RERE: variants seen among roughly 807,000 people sequenced by gnomAD.
RERE encodes arginine-glutamic acid dipeptide repeats protein.
In RERE, 40 loss-of-function variants were observed where a neutral mutation model predicts 146.1. The observed-to-expected ratio is 0.27, with a 90% CI of 0.21 to 0.36. RERE has a LOEUF of 0.36. RERE is among the 10% of genes least tolerant of loss of function. The probability of loss-of-function intolerance (pLI) is 1.00; values close to 1 mark genes in which losing one functional copy is unlikely to be tolerated. For missense variants in RERE, 1,933 were observed against 2,138.7 expected, an observed-to-expected ratio of 0.90 and a Z score of 1.90; for synonymous variants, 1,003 against 866.0, an observed-to-expected ratio of 1.16 and a Z score of -2.78.
At chr1:8,464,260 T>C (rs1644566161) in intron 11 of RERE, among the ~76,000 whole-genome samples, 1 of 152,186 alleles carries the variant, frequency 6.6e-6, no homozygotes, top group South Asian at 2.1e-4. Flanking sequence ...GCCATTTCAG[T>C]GCATCTCAGC....
chr1:8,747,597 T>C (rs536127261), intron 1 of RERE, among the ~76,000 whole-genome samples: 2 of 152,282 alleles, frequency 1.3e-5, no homozygotes, highest in East Asian at 3.9e-4. Flanking sequence ...AATATTACCT[T>C]ATCTAGTTAC....
intron 12 of RERE, among the ~76,000 whole-genome samples, chr1:8,405,195 G>A (rs1364870191): frequency 6.6e-6 from 1 of 152,184 alleles, no homozygotes; most frequent in Non-Finnish European, 1.5e-5. Context: ...AATCTCTCAG[G>A]AGGATGCAAG....
At chr1:8,620,518 C>T (rs1436025726) in intron 3 of RERE, among the ~76,000 whole-genome samples, 1 of 152,110 alleles carries the variant, frequency 6.6e-6, no homozygotes, top group Admixed American at 6.5e-5. Context: ...CACCTTTCCC[C>T]TCTACTAACT....
At chr1:8,470,364 C>T (rs535360401) in intron 10 of RERE, among the ~76,000 whole-genome samples, 5 of 152,122 alleles carry the variant, frequency 3.3e-5, no homozygotes, top group South Asian at 2.1e-4. Context: ...CCAGTTCAAG[C>T]GATTCTCCTG....
intron 1 of RERE, chr1:8,792,589 C>T (rs542516846): frequency 1.3e-5 from 2 of 152,308 alleles, no homozygotes; most frequent in South Asian, 2.1e-4. Context: ...CAATCACCTC[C>T]TAAAAGAAGA....
chr1:8,601,626 C>CACACA (rs1646627138), intron 4 of RERE, among the ~76,000 whole-genome samples: 2 of 94,914 alleles, frequency 2.1e-5, no homozygotes, highest in African/African-American at 4.4e-5. Context: ...TCCAAGGTCA[C>CACACA]CACACACACA....
At chr1:8,699,557 G>A (rs970417083) in intron 1 of RERE, among the ~76,000 whole-genome samples, 1 of 152,152 alleles carries the variant, frequency 6.6e-6, no homozygotes, top group African/African-American at 2.4e-5. Context: ...TGTGGAATTG[G>A]ATAACAACCT....
chr1:8,521,890 C>T (rs1645506293), intron 7 of RERE, among the ~76,000 whole-genome samples: 2 of 152,202 alleles, frequency 1.3e-5, no homozygotes, highest in South Asian at 4.1e-4. Flanking sequence ...GACTTGGCCC[C>T]TGCCCCAAAA....
chr1:8,363,112 C>A (rs748077677), intron 15 of RERE, among the ~76,000 whole-genome samples: 15 of 152,376 alleles, frequency 9.8e-5, no homozygotes, highest in Non-Finnish European at 1.8e-4. Context: ...CTGTCCTGAA[C>A]AACGTGTGCT....
intron 3 of RERE, among the ~76,000 whole-genome samples, chr1:8,618,372 G>A (rs574928531): frequency 1.1e-3 from 165 of 152,308 alleles, no homozygotes; most frequent in African/African-American, 3.8e-3. Context: ...CTGATGGATG[G>A]AGTATGTGAA....
intron 12 of RERE, among the ~76,000 whole-genome samples, chr1:8,385,959 A>T: frequency 1.1e-5 from 1 of 94,208 alleles, no homozygotes; most frequent in Non-Finnish European, 2.0e-5. Context: ...ACACAGCAAG[A>T]CTCCGTCTTA....
chr1:8,361,523 A>C, intron 17 of RERE, 33 bp from the exon 18 acceptor site: 1 of 1,604,006 alleles, frequency 6.2e-7, no homozygotes, highest in Non-Finnish European at 8.5e-7. Flanking sequence ...TGGAAGTCCC[A>C]GGAGGGCAGA....
intron 4 of RERE, among the ~76,000 whole-genome samples, chr1:8,597,592 G>A (rs1646570395): frequency 6.6e-6 from 1 of 152,068 alleles, no homozygotes; most frequent in Non-Finnish European, 1.5e-5. Flanking sequence ...ATCTGACAAC[G>A]TGCTAAGAAC....
chr1:8,784,894 C>T (rs953295356), intron 1 of RERE, among the ~76,000 whole-genome samples: 1 of 152,156 alleles, frequency 6.6e-6, no homozygotes, highest in Admixed American at 6.5e-5. Flanking sequence ...TTTCACAGAA[C>T]CTTGCACACT....
In RERE at chr1:8,651,427, T is replaced by G. The variant is rs150109607; in HGVS notation, c.325+4546A>C. On this transcript the variant is annotated intron_variant, in intron 2 of 22. Transcript: ENST00000400908. The stretch of plus-strand genomic sequence containing the variant: ...TCTCTGTTTTTTTTTAAGCTAGTAA[T>G]CCATTGAAGATATCCTTTACAACAT... Among the ~76,000 whole-genome samples the G allele has an allele frequency of 2.8e-3, 420 of 152,150 alleles. 2 individuals are homozygous for G. Among genetic ancestry groups the G allele is most frequent in the African/African-American group, 9.6e-3 (399 of 41,536 alleles).
intron 1 of RERE, among the ~76,000 whole-genome samples, chr1:8,692,340 T>C (rs565550397): frequency 8.1e-4 from 94 of 116,040 alleles, no homozygotes; most frequent in African/African-American, 2.9e-3. Flanking sequence ...CATTCTCCCA[T>C]ATACTTTTTT....
At chr1:8,437,286 G>A (rs952800492) in intron 11 of RERE, among the ~76,000 whole-genome samples, 2 of 151,922 alleles carry the variant, frequency 1.3e-5, no homozygotes, top group Middle Eastern at 3.2e-3. Context: ...CATTTGACTC[G>A]GTTCATTTAA....
chr1:8,645,590 T>C (rs1331567830), intron 2 of RERE, among the ~76,000 whole-genome samples: 1 of 152,162 alleles, frequency 6.6e-6, no homozygotes, highest in Non-Finnish European at 1.5e-5. Context: ...ATTCAGCAGA[T>C]TGGGGGCGGA....
At position 8,652,564 on chromosome 1, in the gene RERE, TG is replaced by T. The variant is rs998913130; in HGVS notation, c.325+3408del. Among the ~76,000 whole-genome samples, 7 of 152,280 alleles carry T rather than the reference TG, an allele frequency of 4.6e-5. No individual in the cohort carries two copies. The South Asian group carries it at 1.0e-3, about 23-fold the overall frequency. ...TAATTGATCCACAATTCCACAGGGC[TG>T]GGGAGGCCTTAGGAAGCTTACAATT... On this transcript the variant is annotated intron_variant, in intron 2 of 22. Transcript: ENST00000400908.
Sources: allele counts gnomAD v4.1 joint callset (sites outside exome capture counted in the v4.1 genomes callset), GRCh38; gene constraint gnomAD v4.1.1; transcripts MANE v1.5; gene names NCBI Gene and HGNC (gene_info 2026-07-23, HGNC 2026-07-21).